The following HSPA4L variants were observed in gnomAD, a reference collection of about 807,000 sequenced individuals.
HSPA4L encodes the protein heat shock 70 kDa protein 4L.
HSPA4L carries 48 observed loss-of-function variants against 100.3 expected under a neutral mutation model. The ratio of observed to expected loss-of-function variants is 0.48; its 90% CI spans 0.38 to 0.61. The LOEUF (loss-of-function observed/expected upper bound fraction) is 0.61. HSPA4L is among the 20% of genes least tolerant of loss of function. The pLI is 0.00. For missense variants in HSPA4L, 886 were observed against 988.6 expected (o/e 0.90, Z 1.39); for synonymous variants, 319 against 328.2 (o/e 0.97, Z 0.30).
intron 3 of HSPA4L, among the ~76,000 whole-genome samples, chr4:127,798,381 G>A (rs915995983): frequency 6.6e-6 from 1 of 152,188 alleles, no homozygotes; most frequent in Non-Finnish European, 1.5e-5. Context: ...AATACTGTCT[G>A]TAAGGTACTA....
At position 127,811,341 on chromosome 4, in the gene HSPA4L, T is replaced by G. The variant is rs140259499; in HGVS notation, c.1379-96T>G. The G allele has an allele frequency of 8.0e-4, 681 of 856,512 alleles. 6 individuals are homozygous for G. In the African/African-American group the frequency reaches 0.01, roughly 13 times the overall value. The allele number at this position is 856,512 out of a possible 1,614,324, so 53.1% of individuals were successfully genotyped here. A position where few individuals can be genotyped will look rare whatever the true frequency, so the allele number is the denominator to read the frequency against. On this transcript the variant is annotated intron_variant, in intron 11 of 18. Transcript: ENST00000296464. ...ATCATAATTATTGCCAAGATGATTA[T>G]TTGCCAACATCTTAAAGATGATAGC...
chr4:127,804,220 A>G, intron 8 of HSPA4L, 133 bp downstream of exon 8: 1 of 656,148 alleles, frequency 1.5e-6, no homozygotes, highest in African/African-American at 1.8e-5. Flanking sequence ...AGGGAAGGAG[A>G]TTATAACTCA....
rs777491832 is a variant in HSPA4L at position 127,801,903 on chromosome 4, C to T, written c.648C>T (p.Asn216=). 6.3e-7 allele frequency: 1 copy of T among 1,597,820 alleles called. No individual in the cohort carries two copies. The highest frequency in any genetic ancestry group is 8.5e-7 in the Non-Finnish European group (1 of 1,172,726). ...SAYQVLVCAF[N]KGKLKVLATT... Reference sequence around the variant, plus strand: ...ATCAGGTCTTGGTTTGTGCTTTTAACAAAGGAAAACTTAAAGTAAGTAAAC... The same window carrying T: ...ATCAGGTCTTGGTTTGTGCTTTTAATAAAGGAAAACTTAAAGTAAGTAAAC... The change falls in exon 6 of 19, where the codon AAC becomes AAT. Residue 216 remains asparagine (N), a synonymous_variant. Coordinates refer to ENST00000296464, the MANE Select transcript of HSPA4L (RefSeq NM_014278.4).
rs764514225 is a variant in HSPA4L at position 127,818,422 on chromosome 4, T to C, written c.1674+2T>C. On this transcript the variant is annotated splice_donor_variant, in intron 13 of 18. Coordinates refer to ENST00000296464, the MANE Select transcript of HSPA4L (RefSeq NM_014278.4). LOFTEE classifies it high-confidence loss of function. ...GATCATACAGGAGCCAAAACAAAGG[T>C]TTGGTTTACTTTTTCTGTAGTTATG... 5 of 1,571,722 alleles carry C rather than the reference T, an allele frequency of 3.2e-6. No individual in the cohort carries two copies. The highest frequency in any genetic ancestry group is 1.4e-5 in the African/African-American group (1 of 73,858).
chr4:127,802,008 C>T, intron 6 of HSPA4L, 90 bp downstream of exon 6: 2 of 998,732 alleles, frequency 2.0e-6, no homozygotes, highest in Non-Finnish European at 2.9e-6. Context: ...TGGCTCTGCC[C>T]CTTAAACTAT....
intron 12 of HSPA4L, chr4:127,813,106 C>T (rs1455246381): frequency 7.0e-6 from 9 of 1,284,148 alleles, no homozygotes; most frequent in African/African-American, 1.5e-5. Context: ...CTTATAGATT[C>T]GCATATACGT....
intron 12 of HSPA4L, among the ~76,000 whole-genome samples, chr4:127,815,267 G>A (rs1182692957): frequency 6.6e-6 from 1 of 152,038 alleles, no homozygotes; most frequent in Non-Finnish European, 1.5e-5. Flanking sequence ...AATGATATGT[G>A]AGAAAATTGA....
intron 15 of HSPA4L, among the ~76,000 whole-genome samples, chr4:127,823,211 C>T (rs541806586): frequency 1.3e-5 from 2 of 152,170 alleles, no homozygotes; most frequent in South Asian, 4.1e-4. Context: ...TGCAGTGGCA[C>T]GATTTCAGCT....
At chr4:127,783,921 C>G (rs749074276) in intron 1 of HSPA4L, among the ~76,000 whole-genome samples, 6 of 152,162 alleles carry the variant, frequency 3.9e-5, no homozygotes, top group Non-Finnish European at 7.3e-5. Flanking sequence ...CACGTTTCTT[C>G]TATTGAAATT....
At chr4:127,799,965 TAAAAC>T (rs1405367564) in intron 4 of HSPA4L, among the ~76,000 whole-genome samples, 3 of 152,126 alleles carry the variant, frequency 2.0e-5, no homozygotes, top group Non-Finnish European at 4.4e-5. Context: ...TCTAAATTCA[TAAAAC>T]AATAAAATTA....
chr4:127,826,152 A>AT, intron 16 of HSPA4L, among the ~76,000 whole-genome samples: 1 of 152,250 alleles, frequency 6.6e-6, no homozygotes, highest in Non-Finnish European at 1.5e-5. Flanking sequence ...CACACCTGTA[A>AT]TGTTGGCACT....
chr4:127,815,750 G>A (rs1733655407), intron 12 of HSPA4L, among the ~76,000 whole-genome samples: 1 of 152,116 alleles, frequency 6.6e-6, no homozygotes, highest in South Asian at 2.1e-4. Context: ...ATAACTTACA[G>A]TCTAGTGGGA....
intron 12 of HSPA4L, among the ~76,000 whole-genome samples, chr4:127,817,091 A>G (rs1733688197): frequency 6.6e-6 from 1 of 152,136 alleles, no homozygotes; most frequent in Non-Finnish European, 1.5e-5. Flanking sequence ...TTTGAGACAG[A>G]GTCTTGCTCT....
chr4:127,813,165 T>G (rs1325378205), intron 12 of HSPA4L: 26 of 1,434,428 alleles, frequency 1.8e-5, no homozygotes, highest in Non-Finnish European at 2.4e-5. Context: ...AGAACATATA[T>G]CGGGTGCCTC....
intron 17 of HSPA4L, 43 bp downstream of exon 17, chr4:127,827,467 T>C (rs761812643): frequency 1.2e-6 from 2 of 1,610,236 alleles, no homozygotes; most frequent in South Asian, 2.2e-5. Context: ...GGCATGTGCA[T>C]GGTACATAGA....
Position 127,836,782 on chromosome 4 carries a change from A to G in HSPA4L, c.*3908A>G, listed in dbSNP as rs1217351224. 1 of 152,202 alleles carries G rather than the reference A, an allele frequency of 6.6e-6. No individual in the cohort carries two copies. The highest frequency in any genetic ancestry group is 2.4e-5 in the African/African-American group (1 of 41,440). 9.4% of individuals were successfully genotyped at this position (152,202 alleles called of 1,614,324 possible). On this transcript the variant is annotated 3_prime_UTR_variant, in exon 19 of 19. Transcript: ENST00000296464. ...TCCACTTTCATAAATTTGACAAATA[A>G]TAAGCCTCTCCCATTAGGATTTTCT...
At chr4:127,822,642 A>G (rs1367702409) in intron 14 of HSPA4L, 127 bp from the exon 15 acceptor site, 4 of 864,784 alleles carry the variant, frequency 4.6e-6, no homozygotes, top group Non-Finnish European at 6.9e-6. Context: ...CTTTCTCCAC[A>G]TCCTCATGAA....
chr4:127,795,925 C>G lies in HSPA4L; in HGVS notation c.306+17C>G. On this transcript the variant is annotated intron_variant, in intron 3 of 18. Coordinates refer to ENST00000296464, the MANE Select transcript of HSPA4L (RefSeq NM_014278.4). ...GGAGTTAAGGTAAGCTTTATATTCC[C>G]AGGGTTACAAACATATCTTCAAATT... 1 of 1,610,442 alleles carries G rather than the reference C, an allele frequency of 6.2e-7. No individual in the cohort carries two copies. Among genetic ancestry groups the G allele is most frequent in the Non-Finnish European group, 8.5e-7 (1 of 1,178,016 alleles).
At chr4:127,791,644 C>A (rs535737737) in intron 1 of HSPA4L, among the ~76,000 whole-genome samples, 67 of 152,246 alleles carry the variant, frequency 4.4e-4, no homozygotes, top group Non-Finnish European at 7.8e-4. Context: ...CTGTCACCAT[C>A]CTGATATAGA....
Sources: gnomAD v4.1 joint callset for allele counts (sites outside exome capture counted in the v4.1 genomes callset) on GRCh38, gnomAD v4.1.1 for gene constraint, MANE v1.5 for transcripts, NCBI Gene and HGNC (gene_info 2026-07-23, HGNC 2026-07-21) for gene names.